FRMD4A: variants seen among roughly 807,000 people sequenced by gnomAD.
FRMD4A encodes FERM domain containing 4A.
FRMD4A carries 29 observed loss-of-function variants against 129.1 expected under a neutral mutation model. That is an observed-to-expected ratio of 0.22 (90% CI 0.17 to 0.31). The LOEUF (loss-of-function observed/expected upper bound fraction) is 0.31. Among genes scored for constraint, FRMD4A ranks in the 10% least tolerant of loss-of-function variants. FRMD4A has a pLI of 1.00. For missense variants in FRMD4A, 1,272 were observed against 1,375.8 expected, an observed-to-expected ratio of 0.92 and a Z score of 1.19; for synonymous variants, 634 against 571.6, an observed-to-expected ratio of 1.11 and a Z score of -1.56.
chr10:13,838,772 C>T (rs1009176076), intron 3 of FRMD4A, among the ~76,000 whole-genome samples: 6 of 152,092 alleles, frequency 3.9e-5, no homozygotes, highest in African/African-American at 7.2e-5. Flanking sequence ...AGATTACAGG[C>T]GTGAGCCACC....
At chr10:14,035,148 C>T (rs1299476913) in intron 2 of FRMD4A, among the ~76,000 whole-genome samples, 2 of 152,158 alleles carry the variant, frequency 1.3e-5, no homozygotes, top group Non-Finnish European at 2.9e-5. Context: ...CACGGTGGCT[C>T]ACACCTATAA....
chr10:13,910,699 G>T (rs1432845016), intron 2 of FRMD4A, among the ~76,000 whole-genome samples: 1 of 152,094 alleles, frequency 6.6e-6, no homozygotes, highest in Non-Finnish European at 1.5e-5. Context: ...AACTGATAAA[G>T]ATTTTTTTTC....
At chr10:14,101,059 G>C (rs762330644) in intron 2 of FRMD4A, among the ~76,000 whole-genome samples, 2 of 152,118 alleles carry the variant, frequency 1.3e-5, no homozygotes, top group Non-Finnish European at 2.9e-5. Flanking sequence ...CCTTAGCCCT[G>C]AACCACCCCA....
At chr10:13,682,353 C>A (rs984520939) in intron 15 of FRMD4A, among the ~76,000 whole-genome samples, 2 of 152,136 alleles carry the variant, frequency 1.3e-5, no homozygotes, top group African/African-American at 4.8e-5. Context: ...GCAGATGTAC[C>A]ACCCACCGTG....
chr10:13,752,007 C>A (rs1260953525), intron 8 of FRMD4A, among the ~76,000 whole-genome samples: 2 of 152,124 alleles, frequency 1.3e-5, no homozygotes, highest in African/African-American at 2.4e-5. Context: ...CAGAGGGAGA[C>A]CCTGTCTCAA....
intron 2 of FRMD4A, among the ~76,000 whole-genome samples, chr10:13,883,921 T>A (rs2094574518): frequency 6.6e-6 from 1 of 152,204 alleles, no homozygotes; most frequent in Non-Finnish European, 1.5e-5. Context: ...GTGTGCCTGT[T>A]TAATCAGTCT....
intron 2 of FRMD4A, among the ~76,000 whole-genome samples, chr10:14,175,407 T>C (rs1262191987): frequency 6.6e-6 from 1 of 152,080 alleles, no homozygotes; most frequent in Non-Finnish European, 1.5e-5. Context: ...TTTTCACCCC[T>C]AATTAACATC....
chr10:14,195,597 C>G (rs1234923524), intron 2 of FRMD4A, among the ~76,000 whole-genome samples: 3 of 152,226 alleles, frequency 2.0e-5, no homozygotes, highest in African/African-American at 4.8e-5. Flanking sequence ...TCAAGTCTGA[C>G]TCTTCGTGCA....
intron 14 of FRMD4A, among the ~76,000 whole-genome samples, chr10:13,696,104 T>C (rs2086204364): frequency 6.6e-6 from 1 of 152,208 alleles, no homozygotes; most frequent in African/African-American, 2.4e-5. Flanking sequence ...ACTTTTTTCC[T>C]TGCATTCAGA....
At chr10:13,723,613 GA>G (rs1241205233) in intron 12 of FRMD4A, among the ~76,000 whole-genome samples, 1 of 152,174 alleles carries the variant, frequency 6.6e-6, no homozygotes, top group Non-Finnish European at 1.5e-5. Context: ...ATCACAATTT[GA>G]AAAATATCTT....
At chr10:14,043,411 A>AT (rs986186633) in intron 2 of FRMD4A, among the ~76,000 whole-genome samples, 4 of 151,954 alleles carry the variant, frequency 2.6e-5, no homozygotes, top group Non-Finnish European at 4.4e-5. Context: ...TTATCCACAA[A>AT]TTTTTTTTCC....
intron 2 of FRMD4A, among the ~76,000 whole-genome samples, chr10:14,141,574 C>G (rs1299005039): frequency 1.1e-5 from 1 of 91,404 alleles, no homozygotes; most frequent in African/African-American, 4.2e-5. Flanking sequence ...CCCCTAACCC[C>G]TTCTCTACCC....
In FRMD4A at chr10:13,694,017, C is replaced by G. The variant is rs996283108; in HGVS notation, c.998G>C (p.Ser333Thr). Residue 333 changes from serine (S) to threonine (T), a missense_variant, in exon 15 of 25, where the codon AGC becomes ACC. Physicochemically the swap from Ser to Thr is moderately conservative, Grantham distance 58. Coordinates refer to ENST00000357447, the MANE Select transcript of FRMD4A (RefSeq NM_018027.5). The stretch of plus-strand genomic sequence containing the variant: ...CAGGTCGATGGCGATCTCACTCAGG[C>G]TGCGTGCTGCATGGATTTTGGACTG... ...QSKSKIHAAR[S>T]LSEIAIDLTE... The G allele has an allele frequency of 3.3e-6, 5 of 1,521,712 alleles. No individual in the cohort carries two copies. Among genetic ancestry groups the G allele is most frequent in the Non-Finnish European group, 4.4e-6 (5 of 1,137,272 alleles). The allele number at this position is 1,521,712 out of a possible 1,614,324, so 94.3% of individuals were successfully genotyped here.
intron 2 of FRMD4A, among the ~76,000 whole-genome samples, chr10:13,863,418 C>T (rs2131053556): frequency 9.5e-6 from 1 of 104,932 alleles, no homozygotes; most frequent in African/African-American, 4.0e-5. Flanking sequence ...CCTGTCTCTA[C>T]TAAAAATACA....
intron 2 of FRMD4A, among the ~76,000 whole-genome samples, chr10:13,908,508 G>A (rs2094906907): frequency 6.6e-6 from 1 of 152,164 alleles, no homozygotes; most frequent in Non-Finnish European, 1.5e-5. Context: ...TCACATTTTT[G>A]AGATTTATCA....
intron 2 of FRMD4A, among the ~76,000 whole-genome samples, chr10:13,973,715 G>A (rs1175042746): frequency 1.3e-5 from 2 of 148,178 alleles, no homozygotes; most frequent in Non-Finnish European, 2.9e-5. Context: ...AGGAAGGTAG[G>A]ACGATAGGAA....
intron 2 of FRMD4A, among the ~76,000 whole-genome samples, chr10:14,048,819 ATAGAT>A (rs903293863): frequency 2.5e-4 from 30 of 118,330 alleles, no homozygotes; most frequent in African/African-American, 9.8e-4. Context: ...ATAAAATAGA[ATAGAT>A]TAGAATAGAA....
intron 2 of FRMD4A, among the ~76,000 whole-genome samples, chr10:13,946,529 G>A (rs962850621): frequency 6.6e-6 from 1 of 152,168 alleles, no homozygotes; most frequent in African/African-American, 2.4e-5. Context: ...ACTCCCTTGG[G>A]TCAGTCTGGA....
chr10:14,270,091 G>GC (rs1443194405), intron 2 of FRMD4A, among the ~76,000 whole-genome samples: 1 of 152,250 alleles, frequency 6.6e-6, no homozygotes, highest in African/African-American at 2.4e-5. Context: ...AAAACCAGTG[G>GC]CCCCCCAGGC....
Sources: allele counts gnomAD v4.1 joint callset (sites outside exome capture counted in the v4.1 genomes callset), GRCh38; gene constraint gnomAD v4.1.1; transcripts MANE v1.5; gene names NCBI Gene and HGNC (gene_info 2026-07-23, HGNC 2026-07-21).